The following UBE3B variants were observed in gnomAD, a reference collection of about 807,000 sequenced individuals.
UBE3B encodes the protein ubiquitin protein ligase E3B.
A neutral mutation model predicts 132.3 loss-of-function variants in UBE3B; 80 were observed. That is an observed-to-expected ratio of 0.60 (90% confidence interval 0.50 to 0.73). The LOEUF is 0.73. Among genes scored for constraint, UBE3B ranks in the 30% least tolerant of loss-of-function variants. The pLI, the probability that UBE3B is intolerant of heterozygous loss-of-function variation, is 0.00. For synonymous variants in UBE3B, 487 were observed against 520.4 expected (o/e 0.94, Z 0.87); for missense variants, 1,196 against 1,362.5 (o/e 0.88, Z 1.92).
In UBE3B at chr12:109,487,679, G is replaced by A. The variant is rs79175988; in HGVS notation, c.448-893G>A. Among the ~76,000 whole-genome samples the A allele has an allele frequency of 7.4e-4, 112 of 152,328 alleles. No individual in the cohort carries two copies. The East Asian group carries it at 0.019, about 27-fold the overall frequency. ...CATTCCACAACAGATTGCTCTTTGA[G>A]GAGAAGCTCTTCTATTTTGGACAAA... is the stretch of plus-strand genomic sequence containing the variant. On this transcript the variant is annotated intron_variant, in intron 6 of 27. Transcript: ENST00000342494.
chr12:109,497,731 A>G (rs983056840), intron 9 of UBE3B, 87 bp from the exon 10 acceptor site: 3 of 1,318,166 alleles, frequency 2.3e-6, no homozygotes, highest in Admixed American at 1.7e-5. Context: ...AATAATTTCT[A>G]GGAATTTGAG....
At position 109,534,476 on chromosome 12, in the gene UBE3B, C is replaced by T. The variant is rs1424939442; in HGVS notation, c.3016-115C>T. The T allele has an allele frequency of 8.8e-6, 13 of 1,477,416 alleles. No individual in the cohort carries two copies. The highest frequency in any genetic ancestry group is 9.9e-6 in the Non-Finnish European group (11 of 1,116,610). 91.5% of individuals were successfully genotyped at this position (1,477,416 alleles called of 1,614,324 possible). A position where few individuals can be genotyped will look rare whatever the true frequency, so the allele number is the denominator to read the frequency against. On this transcript the variant is annotated intron_variant, in intron 27 of 27. Coordinates refer to ENST00000342494, the MANE Select transcript of UBE3B (RefSeq NM_130466.4). The surrounding 1 kb of genome is among the most constrained non-coding windows in gnomAD (Gnocchi z 5.2). ...TGGTGCCAGGGCAGCGCCCTGCACT[C>T]TGCCCAGCATCCAGGGACTGGCCAG...
chr12:109,534,842 G>T lies in UBE3B; in HGVS notation c.*60G>T. ...CTGCCAGGGACCTTCAGCTCCCAGA[G>T]GCAGTGTGGTCCTGGGAATGTGACC... On this transcript the variant is annotated 3_prime_UTR_variant, in exon 28 of 28. Transcript: ENST00000342494. This position sits in a 1 kb window ranked among gnomAD's most constrained non-coding sequence, Gnocchi z 5.2. 1 of 1,391,788 alleles carries T rather than the reference G, an allele frequency of 7.2e-7. No individual in the cohort carries two copies. 86.2% of individuals were successfully genotyped at this position (1,391,788 alleles called of 1,614,324 possible). A position where few individuals can be genotyped will look rare whatever the true frequency, so the allele number is the denominator to read the frequency against.
At position 109,501,674 on chromosome 12, in the gene UBE3B, CAG is replaced by C. The variant is rs1488239508; in HGVS notation, c.1282+143_1282+144del. ...TTGTTATCGTTCTTGTTGTTAGAGA[CAG>C]AGTCTCACTGTATTGCCCAGGCTAC... is the stretch of plus-strand genomic sequence containing the variant. On this transcript the variant is annotated intron_variant, in intron 13 of 27. Transcript: ENST00000342494. 1.6e-5 allele frequency: 17 copies of C among 1,069,170 alleles called. No individual in the cohort carries two copies. In the East Asian group the frequency reaches 4.2e-4, roughly 26 times the overall value. 66.2% of individuals were successfully genotyped at this position (1,069,170 alleles called of 1,614,324 possible). A position where few individuals can be genotyped will look rare whatever the true frequency, so the allele number is the denominator to read the frequency against.
At chr12:109,502,320 G>A (rs192138893) in intron 13 of UBE3B, among the ~76,000 whole-genome samples, 112 of 152,308 alleles carry the variant, frequency 7.4e-4, no homozygotes, top group Admixed American at 2.1e-3. Context: ...AACCACAGGC[G>A]GGGCTAGCGC....
intron 4 of UBE3B, among the ~76,000 whole-genome samples, chr12:109,485,221 T>C (rs1223203533): frequency 3.9e-5 from 6 of 152,226 alleles, no homozygotes; most frequent in Non-Finnish European, 7.3e-5. Context: ...CACTGAGGCA[T>C]GTCTCCAAGT....
At position 109,524,131 on chromosome 12, in the gene UBE3B, TG is replaced by T. The variant is rs1426563824; in HGVS notation, c.2502+19del. 1.9e-5 allele frequency: 30 copies of T among 1,613,894 alleles called. No individual in the cohort carries two copies. Among genetic ancestry groups the T allele is most frequent in the Non-Finnish European group, 2.4e-5 (28 of 1,179,980 alleles). On this transcript the variant is annotated intron_variant, in intron 22 of 27. Transcript: ENST00000342494. ...CTCCATCAAGGTGAGCATGGAATGG[TG>T]GGTGAGCTAAGCCGAGCACTGGTGT...
chr12:109,545,356 T>TA, the UBE3B span, among the ~76,000 whole-genome samples: 1 of 152,218 alleles, frequency 6.6e-6, no homozygotes, highest in African/African-American at 2.4e-5. Context: ...GGTGCTGAGT[T>TA]ACAGCCGTGC....
rs776578322 is a variant in UBE3B at position 109,489,938 on chromosome 12, G to A, written c.564G>A (p.Ala188=). 6.8e-6 allele frequency: 11 copies of A among 1,614,128 alleles called. No individual in the cohort carries two copies. Among genetic ancestry groups the A allele is most frequent in the Middle Eastern group, 1.6e-4 (1 of 6,062 alleles). ...CTTTAGGTGAAAGTCTTCGACCAGC[G>A]ATGAACCACATTTGTGCAAATATAA... is the stretch of plus-strand genomic sequence containing the variant. The part of the protein sequence containing the change: ...LRGKGESLRP[A]MNHICANIMG... The change falls in exon 8 of 28, where the codon GCG becomes GCA. Residue 188 remains alanine (A), a synonymous_variant. Coordinates refer to ENST00000342494, the MANE Select transcript of UBE3B (RefSeq NM_130466.4).
chr12:109,537,009 A>G (rs1219759225), downstream of UBE3B, among the ~76,000 whole-genome samples: 3 of 152,172 alleles, frequency 2.0e-5, no homozygotes, highest in Non-Finnish European at 1.5e-5. Flanking sequence ...TGTTTTACAC[A>G]GTAATATTCT....
chr12:109,525,735 A>G (rs545991561), intron 23 of UBE3B, among the ~76,000 whole-genome samples: 14 of 152,342 alleles, frequency 9.2e-5, no homozygotes, highest in Admixed American at 3.9e-4. Context: ...TATAAAGATA[A>G]TGAAACTTCT....
chr12:109,490,443 T>C, intron 8 of UBE3B: 1 of 1,534,588 alleles, frequency 6.5e-7, no homozygotes, highest in Non-Finnish European at 8.7e-7. Context: ...ACAATGGAAG[T>C]CTTGAGTTTG....
chr12:109,527,228 C>T (rs1882445383), intron 24 of UBE3B, among the ~76,000 whole-genome samples: 1 of 152,204 alleles, frequency 6.6e-6, no homozygotes, highest in South Asian at 2.1e-4. Context: ...AGATAAAGGG[C>T]TCTGCAGAAT....
At chr12:109,479,623 TATTA>T (rs1875004174) in intron 1 of UBE3B, among the ~76,000 whole-genome samples, 1 of 152,238 alleles carries the variant, frequency 6.6e-6, no homozygotes, top group African/African-American at 2.4e-5. Context: ...TTGTGTGTTT[TATTA>T]ATTGACGAAC....
At chr12:109,481,313 CA>C (rs34653918) in intron 1 of UBE3B, among the ~76,000 whole-genome samples, 1,816 of 121,954 alleles carry the variant, frequency 0.015, 25 homozygotes, top group African/African-American at 0.042. Context: ...GAGACTATCT[CA>C]AAAAAAAAAA....
chr12:109,533,341 G>A lies in UBE3B; in HGVS notation c.2923-125G>A, dbSNP rs1239037223. On this transcript the variant is annotated intron_variant, in intron 26 of 27. Coordinates refer to ENST00000342494, the MANE Select transcript of UBE3B (RefSeq NM_130466.4). ...CCAGATCCACCCCGCCACTCCATAC[G>A]GCTGGCTAGACAGCAGTTACAACAC... The A allele has an allele frequency of 4.4e-5, 39 of 896,014 alleles. No individual in the cohort carries two copies. In the South Asian group the frequency reaches 5.0e-4, roughly 11 times the overall value. 55.5% of individuals were successfully genotyped at this position (896,014 alleles called of 1,614,324 possible). A position where few individuals can be genotyped will look rare whatever the true frequency, so the allele number is the denominator to read the frequency against.
chr12:109,497,832 C>G lies in UBE3B; in HGVS notation c.728C>G (p.Ala243Gly). Residue 243 changes from alanine (A) to glycine (G), a missense_variant, in exon 10 of 28, where the codon GCA (alanine) becomes GGA (glycine). Ala to Gly is a moderately conservative substitution (Grantham distance 60). Coordinates refer to ENST00000342494, the MANE Select transcript of UBE3B (RefSeq NM_130466.4). ...FSLALRPVIAAQFSDNLIRPF... is the reference protein window; with the variant it reads ...FSLALRPVIAGQFSDNLIRPF... ...TCTGTGTCTAGCCCTGTGATTGCTGCACAGTTCTCAGACAATCTGATTCGG... is the reference window on the plus strand; with the variant it reads ...TCTGTGTCTAGCCCTGTGATTGCTGGACAGTTCTCAGACAATCTGATTCGG... 4.3e-6 allele frequency: 7 copies of G among 1,614,188 alleles called. No individual in the cohort carries two copies. Among genetic ancestry groups the G allele is most frequent in the Non-Finnish European group, 5.1e-6 (6 of 1,180,040 alleles).
intron 2 of UBE3B, 68 bp from the exon 3 acceptor site, chr12:109,483,463 T>A (rs1875821988): frequency 6.8e-7 from 1 of 1,475,106 alleles, no homozygotes; most frequent in African/African-American, 1.4e-5. Context: ...CCTCTGCTCT[T>A]GAGCCCCTTT....
At chr12:109,538,339 G>A (rs999687469), downstream of UBE3B, among the ~76,000 whole-genome samples, 2 of 152,322 alleles carry the variant, frequency 1.3e-5, no homozygotes, top group East Asian at 1.9e-4. This position sits in a 1 kb window ranked among gnomAD's most constrained non-coding sequence, Gnocchi z 4.1. Context: ...CAGAGTGGCC[G>A]GAGAACTGTG....
Sources: gnomAD v4.1 joint callset for allele counts (sites outside exome capture counted in the v4.1 genomes callset) on GRCh38, gnomAD v4.1.1 for gene constraint, Gnocchi (gnomAD v3.1) non-coding constraint, MANE v1.5 for transcripts, NCBI Gene and HGNC (gene_info 2026-07-23, HGNC 2026-07-21) for gene names.